The following FREM3 variants were observed in gnomAD, a reference collection of about 807,000 sequenced individuals.
The protein encoded by FREM3 is FRAS1-related extracellular matrix protein 3.
A neutral mutation model predicts 129.1 loss-of-function variants in FREM3; 105 were observed. The observed-to-expected ratio is 0.81, with a 90% CI of 0.69 to 0.96. FREM3 has a LOEUF of 0.96. FREM3 is among the 40% of genes least tolerant of loss of function. The pLI, the probability that FREM3 is intolerant of heterozygous loss-of-function variation, is 0.00. For missense variants in FREM3, 2,593 were observed against 2,666.3 expected (o/e 0.97, Z 0.61); for synonymous variants, 1,014 against 1,044.9 (o/e 0.97, Z 0.57).
chr4:143,672,306 C>T (rs1740012543), intron 2 of FREM3, among the ~76,000 whole-genome samples: 1 of 152,310 alleles, frequency 6.6e-6, no homozygotes, highest in Non-Finnish European at 1.5e-5. Context: ...TTTCTTGGAA[C>T]ATCGACCAGC....
intron 2 of FREM3, among the ~76,000 whole-genome samples, chr4:143,663,980 A>T (rs1205157722): frequency 6.6e-6 from 1 of 152,102 alleles, no homozygotes; most frequent in South Asian, 2.1e-4. Context: ...CTAGTCATAC[A>T]TTCATCTAAA....
chr4:143,590,036 T>C (rs1461117921), intron 6 of FREM3, among the ~76,000 whole-genome samples: 1 of 152,014 alleles, frequency 6.6e-6, no homozygotes, highest in East Asian at 1.9e-4. Context: ...GATTTGGCTC[T>C]CTGTCTGTTA....
At chr4:143,662,080 T>C (rs1292950096) in intron 2 of FREM3, among the ~76,000 whole-genome samples, 1 of 152,070 alleles carries the variant, frequency 6.6e-6, no homozygotes, top group Admixed American at 6.5e-5. Flanking sequence ...TTTTTGTGTC[T>C]CTATTTCCTT....
chr4:143,602,379 T>A (rs112083732), intron 6 of FREM3, among the ~76,000 whole-genome samples: 1,955 of 152,224 alleles, frequency 0.013, 44 homozygotes, highest in African/African-American at 0.045. Context: ...ATCCTTGTGG[T>A]TGTTTCCTCA....
At chr4:143,623,469 T>C (rs1211852585) in intron 4 of FREM3, among the ~76,000 whole-genome samples, 1 of 145,254 alleles carries the variant, frequency 6.9e-6, no homozygotes, top group Non-Finnish European at 1.5e-5. Flanking sequence ...ATGTGCTTAA[T>C]TGAAATTCAA....
chr4:143,658,951 T>C (rs1739649441), intron 2 of FREM3, among the ~76,000 whole-genome samples: 1 of 151,898 alleles, frequency 6.6e-6, no homozygotes, highest in African/African-American at 2.4e-5. Context: ...GTTTCTCCCT[T>C]TATGCATCTC....
chr4:143,674,367 G>T (rs1230836654), intron 2 of FREM3, among the ~76,000 whole-genome samples: 3 of 152,136 alleles, frequency 2.0e-5, no homozygotes, highest in African/African-American at 7.2e-5. Flanking sequence ...CACCAGGCCT[G>T]CCCTACAAGA....
At chr4:143,691,781 T>C (rs1335790831) in intron 2 of FREM3, among the ~76,000 whole-genome samples, 1 of 152,238 alleles carries the variant, frequency 6.6e-6, no homozygotes, top group Non-Finnish European at 1.5e-5. Flanking sequence ...GACTGATTTT[T>C]GTTTGTAACG....
chr4:143,621,228 T>C, intron 4 of FREM3, 66 bp from the exon 5 acceptor site: 2 of 1,406,982 alleles, frequency 1.4e-6, no homozygotes, highest in South Asian at 2.5e-5. Context: ...TAAACACACC[T>C]GAGCAGAAAT....
At chr4:143,640,319 A>T (rs1232320808) in intron 2 of FREM3, among the ~76,000 whole-genome samples, 1 of 152,258 alleles carries the variant, frequency 6.6e-6, no homozygotes, top group East Asian at 1.9e-4. Context: ...TTGAATGACA[A>T]TGCTTTCTGG....
intron 6 of FREM3, among the ~76,000 whole-genome samples, chr4:143,593,340 T>C (rs1201551869): frequency 1.8e-4 from 27 of 152,224 alleles, no homozygotes; most frequent in Non-Finnish European, 2.9e-4. Context: ...GTTTTTCTGC[T>C]CTGTTTTTTC....
At chr4:143,594,755 T>C (rs950262957) in intron 6 of FREM3, among the ~76,000 whole-genome samples, 1 of 152,060 alleles carries the variant, frequency 6.6e-6, no homozygotes, top group Non-Finnish European at 1.5e-5. Context: ...TTGGAAAAAA[T>C]GTCATGAAAT....
At chr4:143,593,252 G>A (rs1738399807) in intron 6 of FREM3, among the ~76,000 whole-genome samples, 3 of 152,150 alleles carry the variant, frequency 2.0e-5, no homozygotes, top group African/African-American at 4.8e-5. Flanking sequence ...GTCATTCTCT[G>A]TCCAGCTTTG....
chr4:143,669,939 C>T (rs1325008281), intron 2 of FREM3, among the ~76,000 whole-genome samples: 2 of 152,182 alleles, frequency 1.3e-5, no homozygotes, highest in African/African-American at 4.8e-5. Context: ...TTCCTCCCTT[C>T]TCAAGTAGTC....
At chr4:143,653,017 G>C (rs1739538984) in intron 2 of FREM3, among the ~76,000 whole-genome samples, 1 of 152,282 alleles carries the variant, frequency 6.6e-6, no homozygotes, top group East Asian at 1.9e-4. Flanking sequence ...AAATAATAGG[G>C]CTTGACTCTA....
chr4:143,656,311 GA>G (rs1317615247), intron 2 of FREM3, among the ~76,000 whole-genome samples: 1 of 152,094 alleles, frequency 6.6e-6, no homozygotes, highest in Non-Finnish European at 1.5e-5. Flanking sequence ...GGACACTCAA[GA>G]GAAATTCCTC....
chr4:143,604,923 C>T (rs1199238948), intron 6 of FREM3, among the ~76,000 whole-genome samples: 1 of 152,152 alleles, frequency 6.6e-6, no homozygotes, highest in Admixed American at 6.6e-5. Flanking sequence ...AATCTTCCAT[C>T]ATTATTTCTG....
chr4:143,588,371 C>G (rs561364022), intron 6 of FREM3, among the ~76,000 whole-genome samples: 41 of 151,988 alleles, frequency 2.7e-4, no homozygotes, highest in Middle Eastern at 3.4e-3. Flanking sequence ...TTAGGTATAT[C>G]TCCTAATGCT....
intron 2 of FREM3, among the ~76,000 whole-genome samples, chr4:143,668,999 A>C (rs1484620680): frequency 6.6e-6 from 1 of 152,204 alleles, no homozygotes; most frequent in Non-Finnish European, 1.5e-5. Flanking sequence ...GACACTGAAG[A>C]ATGTCTGTCT....
Sources: gnomAD v4.1 joint callset for allele counts (sites outside exome capture counted in the v4.1 genomes callset) on GRCh38, gnomAD v4.1.1 for gene constraint, MANE v1.5 for transcripts, NCBI Gene and HGNC (gene_info 2026-07-23, HGNC 2026-07-21) for gene names.